The following PUM1 variants were observed in gnomAD, a reference collection of about 807,000 sequenced individuals.
The protein encoded by PUM1 is pumilio RNA binding family member 1.
In PUM1, 13 loss-of-function variants were observed where a neutral mutation model predicts 131.8. That is an observed-to-expected ratio of 0.10 (90% CI 0.06 to 0.16). PUM1 has a LOEUF of 0.16. Ranked by LOEUF, PUM1 falls within the 10% of genes least tolerant of loss-of-function variation. The pLI is 1.00. For synonymous variants in PUM1, 509 were observed against 556.5 expected, an observed-to-expected ratio of 0.91 and a Z score of 1.20; for missense variants, 961 against 1,512.4, an observed-to-expected ratio of 0.64 and a Z score of 6.05.
intron 17 of PUM1, among the ~76,000 whole-genome samples, chr1:30,946,912 A>G (rs944797101): frequency 4.6e-5 from 7 of 152,212 alleles, no homozygotes; most frequent in Middle Eastern, 3.4e-3. Flanking sequence ...CTCTAAAAAT[A>G]AAACTAAACC....
chr1:30,949,418 T>TG (rs1459703240), intron 17 of PUM1, among the ~76,000 whole-genome samples: 3 of 141,330 alleles, frequency 2.1e-5, no homozygotes, highest in African/African-American at 5.6e-5. Flanking sequence ...GCTGTGGGCC[T>TG]GTTCAGGTGA....
intron 2 of PUM1, among the ~76,000 whole-genome samples, chr1:31,036,080 TG>T (rs1349354871): frequency 6.6e-6 from 1 of 151,838 alleles, no homozygotes; most frequent in African/African-American, 2.4e-5. Flanking sequence ...AACTCAAGTT[TG>T]TTTTTTTTTT....
chr1:31,048,280 T>TA (rs576725701), intron 2 of PUM1, among the ~76,000 whole-genome samples: 2 of 150,822 alleles, frequency 1.3e-5, no homozygotes, highest in African/African-American at 2.4e-5. Context: ...AAAAAAGAAA[T>TA]AAAAAAAATC....
At chr1:30,960,865 T>C (rs1260266121) in intron 14 of PUM1, among the ~76,000 whole-genome samples, 1 of 152,042 alleles carries the variant, frequency 6.6e-6, no homozygotes, top group Non-Finnish European at 1.5e-5. Context: ...TGAGAAAATA[T>C]TCCCCCAAGA....
In PUM1 at chr1:31,065,600, G is replaced by C. The variant is rs1644466665; in HGVS notation, c.-12+16C>G. 1 of 1,544,726 alleles carries C rather than the reference G, an allele frequency of 6.5e-7. No individual in the cohort carries two copies. The highest frequency in any genetic ancestry group is 1.2e-5 in the South Asian group (1 of 83,940). Reference sequence around the variant, plus strand: ...TCCGGAGCAGCGTTTGGGGCCGGTGGGGTGCGGATACTCACGGGCGGAGCG... The same window carrying C: ...TCCGGAGCAGCGTTTGGGGCCGGTGCGGTGCGGATACTCACGGGCGGAGCG... On this transcript the variant is annotated intron_variant, in intron 1 of 21. Coordinates refer to ENST00000426105, the MANE Select transcript of PUM1 (RefSeq NM_001020658.2).
chr1:30,956,306 T>C (rs894278886), intron 14 of PUM1, among the ~76,000 whole-genome samples: 3 of 152,134 alleles, frequency 2.0e-5, no homozygotes, highest in Admixed American at 1.3e-4. Flanking sequence ...CTCTGTCACC[T>C]AGGCTGGAGT....
At chr1:31,029,913 CAAAA>C (rs10592751) in intron 2 of PUM1, among the ~76,000 whole-genome samples, 7,623 of 120,004 alleles carry the variant, frequency 0.064, 267 homozygotes, top group Non-Finnish European at 0.094. Context: ...GATCCTTTTT[CAAAA>C]AAAAAAAAAA....
intron 20 of PUM1, among the ~76,000 whole-genome samples, chr1:30,939,363 C>T (rs1402739651): frequency 6.6e-6 from 1 of 152,180 alleles, no homozygotes; most frequent in Non-Finnish European, 1.5e-5. Flanking sequence ...AGGGGTCAGC[C>T]GGACTTGGGG....
At chr1:31,040,668 C>G (rs527649714) in intron 2 of PUM1, among the ~76,000 whole-genome samples, 1 of 152,040 alleles carries the variant, frequency 6.6e-6, no homozygotes, top group African/African-American at 2.4e-5. Flanking sequence ...GTGCCAGCTA[C>G]ACAAGGGGGA....
At chr1:30,985,730 G>T (rs1291333756) in intron 7 of PUM1, among the ~76,000 whole-genome samples, 1 of 151,492 alleles carries the variant, frequency 6.6e-6, no homozygotes, top group Non-Finnish European at 1.5e-5. Flanking sequence ...AAAGATAACA[G>T]GGAAGAAAGA....
intron 3 of PUM1, among the ~76,000 whole-genome samples, chr1:31,022,859 T>C (rs1643081649): frequency 6.6e-6 from 1 of 152,174 alleles, no homozygotes; most frequent in Admixed American, 6.5e-5. Context: ...GTTTTTACTA[T>C]TCCTATTGTA....
At chr1:30,942,221 ATATATATATATATATG>A (rs1557545266) in intron 18 of PUM1, 98 bp from the exon 19 acceptor site, 6 of 147,224 alleles carry the variant, frequency 4.1e-5, no homozygotes, top group Admixed American at 8.2e-5. Context: ...ATATATATAT[ATATATATATATATATG>A]TATTATCCCA....
intron 1 of PUM1, among the ~76,000 whole-genome samples, chr1:31,063,223 T>G (rs987674900): frequency 3.3e-5 from 5 of 152,184 alleles, no homozygotes; most frequent in Admixed American, 3.3e-4. Flanking sequence ...GTTCTTTCAC[T>G]AAACAAAACT....
At chr1:30,970,552 C>T (rs943545308) in intron 10 of PUM1, among the ~76,000 whole-genome samples, 2 of 152,146 alleles carry the variant, frequency 1.3e-5, no homozygotes, top group Non-Finnish European at 2.9e-5. Flanking sequence ...AGAACCTAAC[C>T]AACTTTGTAA....
At chr1:31,058,070 G>A (rs1000057345) in intron 2 of PUM1, among the ~76,000 whole-genome samples, 1 of 152,108 alleles carries the variant, frequency 6.6e-6, no homozygotes, top group Non-Finnish European at 1.5e-5. Context: ...AGATTAATAA[G>A]ACTGAACATG....
intron 21 of PUM1, among the ~76,000 whole-genome samples, chr1:30,935,042 C>T (rs1251520804): frequency 6.6e-6 from 1 of 152,222 alleles, no homozygotes; most frequent in South Asian, 2.1e-4. Context: ...CCAATTCTAG[C>T]ACCCTATTCT....
At chr1:31,003,847 T>G (rs916225882) in intron 5 of PUM1, among the ~76,000 whole-genome samples, 2 of 152,202 alleles carry the variant, frequency 1.3e-5, no homozygotes, top group South Asian at 4.1e-4. Flanking sequence ...TTGATGTCAC[T>G]AGATCAGTCC....
intron 7 of PUM1, among the ~76,000 whole-genome samples, chr1:30,991,614 A>C (rs1641796346): frequency 6.6e-6 from 1 of 152,192 alleles, no homozygotes; most frequent in Admixed American, 6.5e-5. Flanking sequence ...GAGTAACAGA[A>C]ATTCATGGTC....
intron 5 of PUM1, among the ~76,000 whole-genome samples, chr1:30,995,902 A>G (rs1641964799): frequency 6.6e-6 from 1 of 152,192 alleles, no homozygotes; most frequent in Non-Finnish European, 1.5e-5. Flanking sequence ...TTCTTTCACC[A>G]AAAGTATTCT....
Sources: gnomAD v4.1 joint callset for allele counts (sites outside exome capture counted in the v4.1 genomes callset) on GRCh38, gnomAD v4.1.1 for gene constraint, MANE v1.5 for transcripts, NCBI Gene and HGNC (gene_info 2026-07-23, HGNC 2026-07-21) for gene names.